Variants in GJB3 observed in about 807,000 individuals in gnomAD.
GJB3 encodes the protein gap junction protein beta 3.
In GJB3, 6 loss-of-function variants were observed where a neutral mutation model predicts 8.1. The observed-to-expected ratio is 0.75, with a 90% confidence interval of 0.41 to 1.47. GJB3 has a LOEUF of 1.47. GJB3 is among the 40% of genes most tolerant of loss of function. The pLI is 0.02. For missense variants in GJB3, 348 were observed against 365.6 expected (o/e 0.95, Z 0.39); for synonymous variants, 137 against 156.4 (o/e 0.88, Z 0.93).
Position 34,785,443 on chromosome 1 carries a change from C to T in GJB3, c.681C>T (p.Cys227=). The part of the protein sequence containing the change: ...GLHKDKPRGG[C]SPSSSASRAS... ...ACAAGGACAAGCCTCGAGGGGGTTG[C>T]AGCCCCTCGTCCTCCGCCAGCCGAG... Residue 227 remains cysteine, a synonymous_variant, in exon 2 of 2, where the codon TGC becomes TGT. Coordinates refer to ENST00000373366, the MANE Select transcript of GJB3 (RefSeq NM_024009.3). This position sits in a 1 kb window ranked among gnomAD's most constrained non-coding sequence, Gnocchi z 4.7. 1 of 1,613,808 alleles carries T rather than the reference C, an allele frequency of 6.2e-7. No individual in the cohort carries two copies.
chr1:34,782,878 A>G (rs1210677447), intron 1 of GJB3, among the ~76,000 whole-genome samples: 3 of 152,054 alleles, frequency 2.0e-5, no homozygotes, highest in Admixed American at 6.5e-5. Flanking sequence ...CCTCCCTCCA[A>G]GCTGCCTTGC....
In GJB3 at chr1:34,781,322, G is replaced by T. The variant is rs1434332846; in HGVS notation, c.-482G>T. ...TCGACGGCCCGTCGCACCGGGAGGGGGGGCTCCCAGGGGTGCCCCACGCAC... is the reference window on the plus strand; with the variant it reads ...TCGACGGCCCGTCGCACCGGGAGGGTGGGCTCCCAGGGGTGCCCCACGCAC... On this transcript the variant is annotated 5_prime_UTR_variant, in exon 1 of 2. Coordinates refer to ENST00000373366, the MANE Select transcript of GJB3 (RefSeq NM_024009.3). This position sits in a 1 kb window ranked among gnomAD's most constrained non-coding sequence, Gnocchi z 6.2. 63 of 152,202 alleles carry T rather than the reference G, an allele frequency of 4.1e-4. No individual in the cohort carries two copies. The highest frequency in any genetic ancestry group is 4.1e-3 in the Admixed American group (62 of 15,288). The allele number at this position is 152,202 out of a possible 1,614,324, so 9.4% of individuals were successfully genotyped here.
Position 34,785,769 on chromosome 1 carries a change from G to T in GJB3, c.*194G>T. On this transcript the variant is annotated 3_prime_UTR_variant, in exon 2 of 2. Transcript: ENST00000373366. The surrounding 1 kb of genome is among the most constrained non-coding windows in gnomAD (Gnocchi z 4.7). Reference sequence around the variant, plus strand: ...CGGGTATAGGTAACCCACAGGCCCAGTGCCAGCCCTCAAAGGACATAGACT... The same window carrying T: ...CGGGTATAGGTAACCCACAGGCCCATTGCCAGCCCTCAAAGGACATAGACT... The T allele has an allele frequency of 3.3e-6, 2 of 614,450 alleles. No homozygotes were observed. The highest frequency in any genetic ancestry group is 5.8e-5 in the Admixed American group (2 of 34,226). 38.1% of individuals were successfully genotyped at this position (614,450 alleles called of 1,614,324 possible). A position where few individuals can be genotyped will look rare whatever the true frequency, so the allele number is the denominator to read the frequency against.
At position 34,781,821 on chromosome 1, in the gene GJB3, AG is replaced by A. The variant is rs1488948339; in HGVS notation, c.-26+47del. On this transcript the variant is annotated intron_variant, in intron 1 of 1. Transcript: ENST00000373366. The surrounding 1 kb of genome is among the most constrained non-coding windows in gnomAD (Gnocchi z 6.2). The stretch of plus-strand genomic sequence containing the variant: ...CGGGGCGAGGCTGGGCGGGACCCTC[AG>A]GGGCGCCAAGCGCTCCTGGCGACCC... The A allele has an allele frequency of 6.6e-6, 1 of 152,224 alleles. No individual in the cohort carries two copies. Among genetic ancestry groups the A allele is most frequent in the Non-Finnish European group, 1.5e-5 (1 of 68,108 alleles). The allele number at this position is 152,224 out of a possible 1,614,324, so 9.4% of individuals were successfully genotyped here. A position where few individuals can be genotyped will look rare whatever the true frequency, so the allele number is the denominator to read the frequency against.
In GJB3 at chr1:34,785,100, G is replaced by T. The variant is rs772085753; in HGVS notation, c.338G>T (p.Cys113Phe). ...RRHRQKHGDQ[C>F]AKLYDNAGKK... ...CACCGCCAGAAACACGGGGACCAGTGCGCCAAGCTGTACGACAACGCAGGC... is the reference window on the plus strand; with the variant it reads ...CACCGCCAGAAACACGGGGACCAGTTCGCCAAGCTGTACGACAACGCAGGC... Residue 113 changes from cysteine (C) to phenylalanine (F), a missense_variant, in exon 2 of 2, where the codon TGC (cysteine) becomes TTC (phenylalanine). Transcript: ENST00000373366. The surrounding 1 kb of genome is among the most constrained non-coding windows in gnomAD (Gnocchi z 4.7). 12 of 1,613,950 alleles carry T rather than the reference G, an allele frequency of 7.4e-6. No homozygotes were observed. Among genetic ancestry groups the T allele is most frequent in the Non-Finnish European group, 1.0e-5 (12 of 1,180,024 alleles).
At position 34,785,439 on chromosome 1, in the gene GJB3, G is replaced by T. The variant is rs768807958; in HGVS notation, c.677G>T (p.Gly226Val). 6.2e-7 allele frequency: 1 copy of T among 1,613,822 alleles called. No individual in the cohort carries two copies. The highest frequency in any genetic ancestry group is 1.1e-5 in the South Asian group (1 of 91,066). ...CTGCACAAGGACAAGCCTCGAGGGG[G>T]TTGCAGCCCCTCGTCCTCCGCCAGC... ...RGLHKDKPRG[G>V]CSPSSSASRA... The change falls in exon 2 of 2, where the codon GGT becomes GTT. Residue 226 changes from glycine (G) to valine (V), a missense_variant. Transcript: ENST00000373366. This position sits in a 1 kb window ranked among gnomAD's most constrained non-coding sequence, Gnocchi z 4.7.
Position 34,781,738 on chromosome 1 carries a change from G to C in GJB3, c.-66G>C, listed in dbSNP as rs1373211527. 1.3e-5 allele frequency: 2 copies of C among 152,468 alleles called. No individual in the cohort carries two copies. The highest frequency in any genetic ancestry group is 4.8e-5 in the African/African-American group (2 of 41,458). 9.4% of individuals were successfully genotyped at this position (152,468 alleles called of 1,614,324 possible). On this transcript the variant is annotated 5_prime_UTR_variant, in exon 1 of 2. Transcript: ENST00000373366. This position sits in a 1 kb window ranked among gnomAD's most constrained non-coding sequence, Gnocchi z 6.2. ...CCCTCGCCTCTGCTGTGGGCCCCGGGGACGCGGGGTCAGGCCACCGCGTTG... is the reference window on the plus strand; with the variant it reads ...CCCTCGCCTCTGCTGTGGGCCCCGGCGACGCGGGGTCAGGCCACCGCGTTG...
rs749431664 is a variant in GJB3 at position 34,785,282 on chromosome 1, G to A, written c.520G>A (p.Val174Met). Residue 174 changes from valine to methionine, a missense_variant, in exon 2 of 2, where the codon GTG (valine) becomes ATG (methionine). Val to Met is a conservative substitution (Grantham distance 21). Coordinates refer to ENST00000373366, the MANE Select transcript of GJB3 (RefSeq NM_024009.3). The surrounding 1 kb of genome is among the most constrained non-coding windows in gnomAD (Gnocchi z 4.7). ...CAACGTGGCCCCCTGCCCCAACATC[G>A]TGGACTGCTACATTGCCCGACCTAC... is the stretch of plus-strand genomic sequence containing the variant. ...CANVAPCPNI[V>M]DCYIARPTEK... The A allele has an allele frequency of 1.9e-5, 31 of 1,613,414 alleles. No homozygotes were observed. Among genetic ancestry groups the A allele is most frequent in the African/African-American group, 1.1e-4 (8 of 74,852 alleles).
chr1:34,783,757 A>G (rs1206366564), intron 1 of GJB3, among the ~76,000 whole-genome samples: 1 of 152,062 alleles, frequency 6.6e-6, no homozygotes, highest in East Asian at 1.9e-4. Flanking sequence ...CAGCACAGAA[A>G]CAAGGCACAC....
Position 34,785,235 on chromosome 1 carries a change from TGCCGCGCCTGGTGCA to T in GJB3, c.475_489del (p.Pro159_Gln163del). On this transcript the variant is annotated inframe_deletion, in exon 2 of 2. Coordinates refer to ENST00000373366, the MANE Select transcript of GJB3 (RefSeq NM_024009.3). The surrounding 1 kb of genome is among the most constrained non-coding windows in gnomAD (Gnocchi z 4.7). ...CACACTCTCTGGCATGGCTTCAATATGCCGCGCCTGGTGCAGTGTGCCAACGTGGCCCCCTGCCCC... is the reference window on the plus strand; with the variant it reads ...CACACTCTCTGGCATGGCTTCAATATGTGTGCCAACGTGGCCCCCTGCCCC... 6.2e-7 allele frequency: 1 copy of T among 1,614,080 alleles called. No homozygotes were observed. Among genetic ancestry groups the T allele is most frequent in the Non-Finnish European group, 8.5e-7 (1 of 1,180,006 alleles).
chr1:34,782,124 C>G (rs1640020388), intron 1 of GJB3, among the ~76,000 whole-genome samples: 1 of 152,116 alleles, frequency 6.6e-6, no homozygotes, highest in Non-Finnish European at 1.5e-5. Flanking sequence ...ACAGTACAGT[C>G]TGGGGGTCAG....
Position 34,784,861 on chromosome 1 carries a change from G to A in GJB3, c.99G>A (p.Val33=), listed in dbSNP as rs727504610. ...TGTCCGTGGTGTTCGTCTTCCGGGT[G>A]CTGGTATACGTGGTGGCTGCAGAGC... ...IWLSVVFVFR[V]LVYVVAAERV... Residue 33 remains valine, a synonymous_variant, in exon 2 of 2, where the codon GTG becomes GTA. Coordinates refer to ENST00000373366, the MANE Select transcript of GJB3 (RefSeq NM_024009.3). The A allele has an allele frequency of 1.1e-5, 17 of 1,614,092 alleles. No individual in the cohort carries two copies. In the African/African-American group the frequency reaches 2.0e-4, roughly 19 times the overall value.
intron 1 of GJB3, among the ~76,000 whole-genome samples, chr1:34,784,010 G>C (rs550995): frequency 0.36 from 55,199 of 151,940 alleles, 11,139 homozygotes; most frequent in African/African-American, 0.54. Flanking sequence ...CACCTGAACT[G>C]GTCTCCCCTC....
In GJB3 at chr1:34,785,799, A is replaced by C; in HGVS notation, c.*224A>C. 1.7e-6 allele frequency: 1 copy of C among 602,596 alleles called. No homozygotes were observed. Among genetic ancestry groups the C allele is most frequent in the Admixed American group, 3.0e-5 (1 of 33,228 alleles). 37.3% of individuals were successfully genotyped at this position (602,596 alleles called of 1,614,324 possible). On this transcript the variant is annotated 3_prime_UTR_variant, in exon 2 of 2. Transcript: ENST00000373366. The surrounding 1 kb of genome is among the most constrained non-coding windows in gnomAD (Gnocchi z 4.7). ...AGCCCTCAAAGGACATAGACTTTGA[A>C]ACAAGCGAATTAACTATCTACGCTG...
In GJB3 at chr1:34,783,226, C is replaced by T. The variant is rs187410866; in HGVS notation, c.-26+1448C>T. On this transcript the variant is annotated intron_variant, in intron 1 of 1. Transcript: ENST00000373366. ...TCGCACCACTGCACTCCAGCCTGGG[C>T]GACACAGCAAGGCCTTGGCTCAAAA... Among the ~76,000 whole-genome samples, 65 of 150,378 alleles carry T rather than the reference C, an allele frequency of 4.3e-4. No individual in the cohort carries two copies. The East Asian group carries it at 6.7e-3, about 15-fold the overall frequency.
Position 34,781,488 on chromosome 1 carries a change from C to G in GJB3, c.-316C>G, listed in dbSNP as rs1640007414. 1 of 152,332 alleles carries G rather than the reference C, an allele frequency of 6.6e-6. No individual in the cohort carries two copies. Among genetic ancestry groups the G allele is most frequent in the South Asian group, 2.1e-4 (1 of 4,832 alleles). 9.4% of individuals were successfully genotyped at this position (152,332 alleles called of 1,614,324 possible). On this transcript the variant is annotated 5_prime_UTR_variant, in exon 1 of 2. Coordinates refer to ENST00000373366, the MANE Select transcript of GJB3 (RefSeq NM_024009.3). The surrounding 1 kb of genome is among the most constrained non-coding windows in gnomAD (Gnocchi z 6.2). ...ACAGTTTGCAGAGTGCTTCCCGCCC[C>G]TGATCTCATTGGAGCCTTCGGACAG...
In GJB3 at chr1:34,785,627, C is replaced by A; in HGVS notation, c.*52C>A. ...CGGGCTGCCAATGGGACATGCAGGG[C>A]GGTGTGGCAGGTGGAGAGGTCCTAC... On this transcript the variant is annotated 3_prime_UTR_variant, in exon 2 of 2. Coordinates refer to ENST00000373366, the MANE Select transcript of GJB3 (RefSeq NM_024009.3). This position sits in a 1 kb window ranked among gnomAD's most constrained non-coding sequence, Gnocchi z 4.7. 1 of 1,463,090 alleles carries A rather than the reference C, an allele frequency of 6.8e-7. No homozygotes were observed. Among genetic ancestry groups the A allele is most frequent in the Non-Finnish European group, 9.6e-7 (1 of 1,046,966 alleles). The allele number at this position is 1,463,090 out of a possible 1,614,324, so 90.6% of individuals were successfully genotyped here. A position where few individuals can be genotyped will look rare whatever the true frequency, so the allele number is the denominator to read the frequency against.
chr1:34,784,352 C>G (rs1022911826), intron 1 of GJB3, among the ~76,000 whole-genome samples: 2 of 152,282 alleles, frequency 1.3e-5, no homozygotes, highest in South Asian at 4.1e-4. Context: ...TGCAATCGTT[C>G]AATGATCAGT....
rs1207644196 is a variant in GJB3, at chr1:34,785,629, G to A, written c.*54G>A. 5 of 1,409,308 alleles carry A rather than the reference G, an allele frequency of 3.5e-6. No individual in the cohort carries two copies. The East Asian group carries it at 1.2e-4, about 33-fold the overall frequency. 87.3% of individuals were successfully genotyped at this position (1,409,308 alleles called of 1,614,324 possible). On this transcript the variant is annotated 3_prime_UTR_variant, in exon 2 of 2. Coordinates refer to ENST00000373366, the MANE Select transcript of GJB3 (RefSeq NM_024009.3). This position sits in a 1 kb window ranked among gnomAD's most constrained non-coding sequence, Gnocchi z 4.7. ...GGCTGCCAATGGGACATGCAGGGCG[G>A]TGTGGCAGGTGGAGAGGTCCTACAG... is the stretch of plus-strand genomic sequence containing the variant.
Sources: allele counts gnomAD v4.1 joint callset (sites outside exome capture counted in the v4.1 genomes callset), GRCh38; gene constraint gnomAD v4.1.1; non-coding constraint Gnocchi (gnomAD v3.1); transcripts MANE v1.5; gene names NCBI Gene and HGNC (gene_info 2026-07-23, HGNC 2026-07-21).